The following JPH2 variants were observed in gnomAD, a reference collection of about 807,000 sequenced individuals.
JPH2 encodes junctophilin-2.
JPH2 carries 38 observed loss-of-function variants against 55.9 expected under a neutral mutation model. The observed-to-expected ratio is 0.68, with a 90% CI of 0.52 to 0.89. The LOEUF (loss-of-function observed/expected upper bound fraction) is 0.89, where lower values mean the gene tolerates loss of function less well. Ranked by LOEUF, JPH2 falls within the 40% of genes least tolerant of loss-of-function variation. The pLI, the probability that JPH2 is intolerant of heterozygous loss-of-function variation, is 0.00. For synonymous variants in JPH2, 480 were observed against 472.4 expected (o/e 1.02, Z -0.21); for missense variants, 964 against 1,037.6 (o/e 0.93, Z 0.97).
intron 2 of JPH2, among the ~76,000 whole-genome samples, chr20:44,146,035 CTTT>C (rs769018756): frequency 3.6e-5 from 5 of 138,778 alleles, no homozygotes; most frequent in East Asian, 2.1e-4. Context: ...CACCATTGTT[CTTT>C]TTTTTTTTTT....
chr20:44,172,595 T>A (rs2072706566), intron 1 of JPH2, among the ~76,000 whole-genome samples: 3 of 152,174 alleles, frequency 2.0e-5, no homozygotes. Flanking sequence ...TGGGCTAAAG[T>A]GATCCTCCCA....
intron 1 of JPH2, among the ~76,000 whole-genome samples, chr20:44,166,644 G>A (rs931687378): frequency 6.6e-6 from 1 of 152,156 alleles, no homozygotes; most frequent in East Asian, 1.9e-4. Context: ...ACCCAGGGGA[G>A]GCTGGGAGTG....
Position 44,170,654 on chromosome 20 carries a change from G to A in JPH2, c.380-10247C>T, listed in dbSNP as rs1168849517. Among the ~76,000 whole-genome samples, 3 of 152,172 alleles carry A rather than the reference G, an allele frequency of 2.0e-5. No individual in the cohort carries two copies. The East Asian group carries it at 5.8e-4, about 29-fold the overall frequency. Reference sequence around the variant, plus strand: ...TCATAGCTTGGCTCTAACCCACCTTGATAAAGACTATGGACCCAGCATCCC... The same window carrying A: ...TCATAGCTTGGCTCTAACCCACCTTAATAAAGACTATGGACCCAGCATCCC... On this transcript the variant is annotated intron_variant, in intron 1 of 5. Transcript: ENST00000372980.
chr20:44,148,318 G>A (rs149792654), intron 2 of JPH2, among the ~76,000 whole-genome samples: 1 of 152,282 alleles, frequency 6.6e-6, no homozygotes, highest in African/African-American at 2.4e-5. Context: ...TATTATCCCA[G>A]ATCTCCTGGG....
In JPH2 at chr20:44,112,600, G is replaced by A. The variant is rs1254929523; in HGVS notation, c.*918C>T. 2 of 152,152 alleles carry A rather than the reference G, an allele frequency of 1.3e-5. No homozygotes were observed. The highest frequency in any genetic ancestry group is 2.4e-5 in the African/African-American group (1 of 41,400). The allele number at this position is 152,152 out of a possible 1,614,324, so 9.4% of individuals were successfully genotyped here. ...GGCTTCTGTGCTCCCCTGAGCTTTC[G>A]GTGGGCCCTGATGGGGGAGGAGACA... On this transcript the variant is annotated 3_prime_UTR_variant, in exon 6 of 6. Coordinates refer to ENST00000372980, the MANE Select transcript of JPH2 (RefSeq NM_020433.5).
intron 1 of JPH2, among the ~76,000 whole-genome samples, chr20:44,175,001 TAAAAAAAAAGAA>T (rs1486361710): frequency 6.7e-5 from 10 of 150,252 alleles, no homozygotes; most frequent in African/African-American, 9.8e-5. Flanking sequence ...TGTCTCAAAT[TAAAAAAAAAGAA>T]AACAAAATTT....
chr20:44,137,751 A>G (rs1345505900), intron 2 of JPH2, among the ~76,000 whole-genome samples: 1 of 152,172 alleles, frequency 6.6e-6, no homozygotes, highest in African/African-American at 2.4e-5. Context: ...TTATCCCATC[A>G]TAGCAGTCAC....
chr20:44,106,746 C>A lies in JPH2; in HGVS notation c.*6772G>T, dbSNP rs191557596. 6.6e-6 allele frequency among the ~76,000 whole-genome samples: 1 copy of A among 152,044 alleles called. No homozygotes were observed. The highest frequency in any genetic ancestry group is 1.5e-5 in the Non-Finnish European group (1 of 68,008). On this transcript the variant is annotated 3_prime_UTR_variant, in exon 6 of 6. Transcript: ENST00000372980. ...GAGTAACTCCTCTTTTTAAAATCATCGATCTCATGAGACTTATTCACTACC... is the reference window on the plus strand; with the variant it reads ...GAGTAACTCCTCTTTTTAAAATCATAGATCTCATGAGACTTATTCACTACC...
intron 1 of JPH2, among the ~76,000 whole-genome samples, chr20:44,164,581 C>T (rs1247817193): frequency 6.6e-6 from 1 of 152,162 alleles, no homozygotes; most frequent in Non-Finnish European, 1.5e-5. Context: ...GCTGCTGTTA[C>T]ACACAACACA....
In JPH2 at chr20:44,159,297, G is replaced by A. The variant is rs1432536783; in HGVS notation, c.1169+321C>T. 6.6e-6 allele frequency among the ~76,000 whole-genome samples: 1 copy of A among 152,062 alleles called. No individual in the cohort carries two copies. Among genetic ancestry groups the A allele is most frequent in the Non-Finnish European group, 1.5e-5 (1 of 68,004 alleles). Reference sequence around the variant, plus strand: ...TGTGTGGATAGATGGATGACTGGATGACTGGGTGGGTAAACAGGAAGTGGA... The same window carrying A: ...TGTGTGGATAGATGGATGACTGGATAACTGGGTGGGTAAACAGGAAGTGGA... On this transcript the variant is annotated intron_variant, in intron 2 of 5. Transcript: ENST00000372980. This position sits in a 1 kb window ranked among gnomAD's most constrained non-coding sequence, Gnocchi z 5.7.
At chr20:44,139,997 G>A (rs1004237901) in intron 2 of JPH2, among the ~76,000 whole-genome samples, 9 of 152,026 alleles carry the variant, frequency 5.9e-5, no homozygotes, top group Non-Finnish European at 1.0e-4. Context: ...TCAGCCTCCC[G>A]AGTAGCTGGG....
chr20:44,126,539 C>T (rs1005737643), intron 2 of JPH2, among the ~76,000 whole-genome samples: 1 of 152,148 alleles, frequency 6.6e-6, no homozygotes, highest in Non-Finnish European at 1.5e-5. Flanking sequence ...TACCCCAGAA[C>T]AACCATGGTC....
intron 2 of JPH2, among the ~76,000 whole-genome samples, chr20:44,124,299 G>A (rs1476605541): frequency 6.6e-6 from 1 of 151,966 alleles, no homozygotes; most frequent in East Asian, 1.9e-4. Flanking sequence ...GGCCAAAGGG[G>A]GACCCTCACC....
At chr20:44,115,571 A>G in intron 4 of JPH2, 94 bp downstream of exon 4, 1 of 1,537,534 alleles carries the variant, frequency 6.5e-7, no homozygotes, top group Non-Finnish European at 8.9e-7. Context: ...CTCGCACCCC[A>G]GCAACCCCCA....
chr20:44,176,033 C>T (rs1274032025), intron 1 of JPH2, among the ~76,000 whole-genome samples: 1 of 152,210 alleles, frequency 6.6e-6, no homozygotes, highest in Non-Finnish European at 1.5e-5. Context: ...TTCATGGCAA[C>T]ACCATCCTTC....
Position 44,186,309 on chromosome 20 carries a change from GC to G in JPH2, c.379+17del. The G allele has an allele frequency of 6.2e-7, 1 of 1,606,234 alleles. No homozygotes were observed. On this transcript the variant is annotated intron_variant, in intron 1 of 5. Coordinates refer to ENST00000372980, the MANE Select transcript of JPH2 (RefSeq NM_020433.5). ...CCCTGGCTCCACCCCACCTCTGCGG[GC>G]CCCCAGCTGGCCTCACCTCCATCAG...
intron 1 of JPH2, among the ~76,000 whole-genome samples, chr20:44,170,549 G>C (rs2072689987): frequency 6.6e-6 from 1 of 152,178 alleles, no homozygotes; most frequent in Non-Finnish European, 1.5e-5. Context: ...ATCAGACCAG[G>C]TGAACCAGAA....
chr20:44,131,988 T>C (rs1013747368), intron 2 of JPH2, among the ~76,000 whole-genome samples: 26 of 152,156 alleles, frequency 1.7e-4, no homozygotes, highest in African/African-American at 6.3e-4. Context: ...CCAGGTGACT[T>C]TGCCTTTCTC....
chr20:44,154,871 C>T (rs1334752885), intron 2 of JPH2, among the ~76,000 whole-genome samples: 1 of 152,200 alleles, frequency 6.6e-6, no homozygotes, highest in Non-Finnish European at 1.5e-5. Context: ...GCAACATCTC[C>T]ATGGGCACGC....
Sources: gnomAD v4.1 joint callset for allele counts (sites outside exome capture counted in the v4.1 genomes callset) on GRCh38, gnomAD v4.1.1 for gene constraint, Gnocchi (gnomAD v3.1) non-coding constraint, MANE v1.5 for transcripts, NCBI Gene and HGNC (gene_info 2026-07-23, HGNC 2026-07-21) for gene names.